Variants in MELK observed in about 807,000 individuals in gnomAD.
MELK encodes pEg3 kinase.
A neutral mutation model predicts 85.0 loss-of-function variants in MELK; 81 were observed. The ratio of observed to expected loss-of-function variants is 0.95; its 90% confidence interval spans 0.80 to 1.15. The LOEUF is 1.15. MELK is among the 50% of genes most tolerant of loss of function. MELK has a pLI of 0.00. For synonymous variants in MELK, 252 were observed against 265.0 expected (o/e 0.95, Z 0.48); for missense variants, 754 against 777.5 (o/e 0.97, Z 0.36).
intron 14 of MELK, among the ~76,000 whole-genome samples, chr9:36,668,734 C>T (rs774080666): frequency 9.9e-5 from 15 of 152,006 alleles, no homozygotes; most frequent in South Asian, 2.1e-4. Context: ...AGGCTGGTCT[C>T]GAACTCCTGA....
chr9:36,580,328 T>C (rs1207049036), intron 1 of MELK, among the ~76,000 whole-genome samples: 2 of 150,440 alleles, frequency 1.3e-5, no homozygotes. Flanking sequence ...GCACCCGGCC[T>C]TTTTTTTTGA....
At chr9:36,589,442 C>T (rs545754541) in intron 3 of MELK, 94 bp from the exon 4 acceptor site, 60 of 1,015,800 alleles carry the variant, frequency 5.9e-5, no homozygotes, top group Middle Eastern at 2.1e-4. Context: ...CCACCGTGCC[C>T]GGCCAGCTAC....
At chr9:36,589,352 G>A (rs1164467163) in intron 3 of MELK, among the ~76,000 whole-genome samples, 184 bp from the exon 4 acceptor site, 1 of 152,022 alleles carries the variant, frequency 6.6e-6, no homozygotes, top group East Asian at 1.9e-4. Context: ...GTTTCATCGT[G>A]TTAGCCAGGA....
At chr9:36,592,290 C>T (rs1369864007) in intron 4 of MELK, among the ~76,000 whole-genome samples, 1 of 151,588 alleles carries the variant, frequency 6.6e-6, no homozygotes, top group African/African-American at 2.4e-5. Flanking sequence ...TTTTCCTGCC[C>T]CAGCCTCCTG....
At chr9:36,669,241 A>G (rs567949395) in intron 14 of MELK, 69 bp from the exon 15 acceptor site, 4 of 996,540 alleles carry the variant, frequency 4.0e-6, no homozygotes, top group Admixed American at 5.0e-5. Flanking sequence ...CTGCATTATT[A>G]TTAATAATAG....
rs757804115 is a variant in MELK, at chr9:36,669,335, T to G, written c.1434T>G (p.Thr478=). ...CTAGAAACCAGTGCCTGAAAGAAAC[T>G]CCAATTAAAATACCAGTAAATTCAA... ...SKARNQCLKE[T]PIKIPVNSTG... is the part of the protein sequence containing the mutation. Residue 478 remains threonine, a synonymous_variant, in exon 15 of 18, where the codon ACT becomes ACG. Coordinates refer to ENST00000298048, the MANE Select transcript of MELK (RefSeq NM_014791.4). 1 of 1,609,952 alleles carries G rather than the reference T, an allele frequency of 6.2e-7. No homozygotes were observed. Among genetic ancestry groups the G allele is most frequent in the South Asian group, 1.1e-5 (1 of 90,098 alleles).
intron 9 of MELK, among the ~76,000 whole-genome samples, chr9:36,631,499 C>T (rs1340852387): frequency 6.6e-6 from 1 of 151,986 alleles, no homozygotes; most frequent in Non-Finnish European, 1.5e-5. Flanking sequence ...CTTCTGACCT[C>T]AGGTGATCCA....
At chr9:36,589,925 T>G (rs1587348023) in intron 4 of MELK, among the ~76,000 whole-genome samples, 1 of 149,548 alleles carries the variant, frequency 6.7e-6, no homozygotes, top group East Asian at 1.9e-4. Context: ...TTCTAGTTTT[T>G]TTTTTTTTTT....
Position 36,677,370 on chromosome 9 carries a change from T to A in MELK, c.*33T>A, listed in dbSNP as rs1833437570. ...ATTCTTCCATCCTGCCGGATGAGTGTGGGTGTGATACAGCCTACATAAAGA... is the reference window on the plus strand; with the variant it reads ...ATTCTTCCATCCTGCCGGATGAGTGAGGGTGTGATACAGCCTACATAAAGA... On this transcript the variant is annotated 3_prime_UTR_variant, in exon 18 of 18. Coordinates refer to ENST00000298048, the MANE Select transcript of MELK (RefSeq NM_014791.4). 1.9e-6 allele frequency: 3 copies of A among 1,582,134 alleles called. No homozygotes were observed. The highest frequency in any genetic ancestry group is 2.6e-6 in the Non-Finnish European group (3 of 1,160,526).
chr9:36,635,597 A>G (rs1023963823), intron 10 of MELK, among the ~76,000 whole-genome samples: 3 of 152,132 alleles, frequency 2.0e-5, no homozygotes, highest in Admixed American at 6.6e-5. Flanking sequence ...TGTACCATCC[A>G]TACAAATGTC....
chr9:36,649,947 A>T (rs10814423), intron 11 of MELK, among the ~76,000 whole-genome samples: 142,232 of 151,684 alleles, frequency 0.94, 67,134 homozygotes, highest in Non-Finnish European at 1. Context: ...TAAATTAATT[A>T]ATTTATTTAT....
At chr9:36,621,275 GAAAAAAAAAA>G (rs74181196) in intron 8 of MELK, among the ~76,000 whole-genome samples, 273 of 32,318 alleles carry the variant, frequency 8.4e-3, no homozygotes, top group Non-Finnish European at 0.015. Context: ...CTGTCTCAGG[GAAAAAAAAAA>G]AAAAAAAAAA....
chr9:36,605,225 T>C (rs1040913065), intron 7 of MELK, among the ~76,000 whole-genome samples: 8 of 152,012 alleles, frequency 5.3e-5, no homozygotes, highest in Non-Finnish European at 8.8e-5. Flanking sequence ...TGAATTTTTT[T>C]TGAGATGGAG....
At chr9:36,652,906 T>C (rs1830855043) in intron 12 of MELK, among the ~76,000 whole-genome samples, 2 of 152,086 alleles carry the variant, frequency 1.3e-5, no homozygotes, top group Non-Finnish European at 2.9e-5. Context: ...GGACACATTA[T>C]TGAATTGCAG....
rs568932052 is a variant in MELK at position 36,641,851 on chromosome 9, C to T, written c.835-1146C>T. Among the ~76,000 whole-genome samples the T allele has an allele frequency of 1.6e-4, 24 of 152,236 alleles. 1 individual carries two copies. The highest frequency in any genetic ancestry group is 5.2e-4 in the Admixed American group (8 of 15,282). ...CCAACTCCCAACCTAAGATGATCCACCCACCTCGGCCTCCCAAAGTGCTGG... is the reference window on the plus strand; with the variant it reads ...CCAACTCCCAACCTAAGATGATCCATCCACCTCGGCCTCCCAAAGTGCTGG... On this transcript the variant is annotated intron_variant, in intron 10 of 17. Transcript: ENST00000298048.
chr9:36,583,953 CTG>C (rs1822542072), intron 3 of MELK, among the ~76,000 whole-genome samples: 1 of 152,168 alleles, frequency 6.6e-6, no homozygotes, highest in Non-Finnish European at 1.5e-5. Flanking sequence ...AGTCTGTAGT[CTG>C]TAGGTGTTTC....
At chr9:36,581,075 T>G (rs141680887) in intron 1 of MELK, among the ~76,000 whole-genome samples, 1 of 152,350 alleles carries the variant, frequency 6.6e-6, no homozygotes, top group Non-Finnish European at 1.5e-5. Flanking sequence ...TGAGTTTTTC[T>G]TATTGTTTTG....
intron 11 of MELK, among the ~76,000 whole-genome samples, chr9:36,643,657 G>C (rs994261319): frequency 6.6e-6 from 1 of 151,984 alleles, no homozygotes; most frequent in Non-Finnish European, 1.5e-5. Flanking sequence ...ACAACTGGCC[G>C]GGCACGGTGG....
At position 36,585,302 on chromosome 9, in the gene MELK, G is replaced by GTTTTTTTT. The variant is rs869244728; in HGVS notation, c.144+1606_144+1613dup. ...TTTCTAATTCCTTCTACCATTCTTTGTTTTTTTTTTTTTTTTTTTTTTTGA... is the reference window on the plus strand; with the variant it reads ...TTTCTAATTCCTTCTACCATTCTTTGTTTTTTTTTTTTTTTTTTTTTTTTTTTTTTTGA... On this transcript the variant is annotated intron_variant, in intron 3 of 17. Transcript: ENST00000298048. Among the ~76,000 whole-genome samples, 124 of 77,808 alleles carry GTTTTTTTT rather than the reference G, an allele frequency of 1.6e-3. 4 individuals carry two copies. The highest frequency in any genetic ancestry group is 2.8e-3 in the African/African-American group (48 of 17,382). 51.0% of individuals were successfully genotyped at this position (77,808 alleles called of 152,430 possible). A position where few individuals can be genotyped will look rare whatever the true frequency, so the allele number is the denominator to read the frequency against.
Sources: gnomAD v4.1 joint callset for allele counts (sites outside exome capture counted in the v4.1 genomes callset) on GRCh38, gnomAD v4.1.1 for gene constraint, MANE v1.5 for transcripts, NCBI Gene and HGNC (gene_info 2026-07-23, HGNC 2026-07-21) for gene names.